ZFPM2: variants seen among roughly 807,000 people sequenced by gnomAD.
ZFPM2 encodes the protein zinc finger protein, FOG family member 2.
Under a neutral mutation model 98.6 loss-of-function variants are expected in ZFPM2, and 20 were observed. The ratio of observed to expected loss-of-function variants is 0.20; its 90% CI spans 0.14 to 0.29. The LOEUF is 0.29. Among genes scored for constraint, ZFPM2 ranks in the 10% least tolerant of loss-of-function variants. ZFPM2 has a pLI of 1.00. For synonymous variants in ZFPM2, 518 were observed against 502.7 expected (o/e 1.03, Z -0.41); for missense variants, 1,310 against 1,388.6 (o/e 0.94, Z 0.90).
At chr8:105,560,183 A>G (rs75801976) in intron 3 of ZFPM2, among the ~76,000 whole-genome samples, 81 of 74,936 alleles carry the variant, frequency 1.1e-3, no homozygotes, top group African/African-American at 5.9e-3. Flanking sequence ...AAAAAAAAAA[A>G]AAAAGAAAGA....
intron 5 of ZFPM2, among the ~76,000 whole-genome samples, chr8:105,650,244 G>A (rs1267272996): frequency 6.6e-6 from 1 of 151,996 alleles, no homozygotes; most frequent in Non-Finnish European, 1.5e-5. Flanking sequence ...ACTTTTTATT[G>A]TGTCTATTTG....
chr8:105,576,987 G>A (rs1815481592), intron 4 of ZFPM2, among the ~76,000 whole-genome samples: 2 of 151,944 alleles, frequency 1.3e-5, no homozygotes, highest in Non-Finnish European at 2.9e-5. Context: ...ATATGAAAGG[G>A]TAGTGGAATA....
intron 5 of ZFPM2, among the ~76,000 whole-genome samples, chr8:105,701,157 ACAG>A (rs1811132391): frequency 6.6e-6 from 1 of 152,204 alleles, no homozygotes; most frequent in Non-Finnish European, 1.5e-5. Context: ...GAATAGAGAA[ACAG>A]CAGAGTTGGC....
chr8:105,419,328 A>G (rs754393862), intron 2 of ZFPM2, 26 bp downstream of exon 2: 1 of 1,605,640 alleles, frequency 6.2e-7, no homozygotes, highest in Non-Finnish European at 8.5e-7. Context: ...TGGATGTAAT[A>G]TGTGAGTCCA....
chr8:105,441,482 G>GAAAGAAAGAAAGAAA, intron 2 of ZFPM2, among the ~76,000 whole-genome samples: 1 of 85,410 alleles, frequency 1.2e-5, no homozygotes, highest in African/African-American at 7.8e-5. Context: ...AAGAAAGAAA[G>GAAAGAAAGAAAGAAA]AAAGAAAGAA....
chr8:105,664,460 G>A (rs551066132), intron 5 of ZFPM2, among the ~76,000 whole-genome samples: 8 of 151,890 alleles, frequency 5.3e-5, no homozygotes, highest in Admixed American at 1.3e-4. Context: ...TCAGTCTCCC[G>A]AGTAGCTGGG....
chr8:105,327,227 T>G (rs1207096195), intron 1 of ZFPM2, among the ~76,000 whole-genome samples: 51 of 151,660 alleles, frequency 3.4e-4, no homozygotes, highest in Non-Finnish European at 1.0e-4. Context: ...TCTACATAGA[T>G]TTTTTCAGTA....
At chr8:105,779,627 C>G (rs759952192) in intron 5 of ZFPM2, among the ~76,000 whole-genome samples, 1 of 152,160 alleles carries the variant, frequency 6.6e-6, no homozygotes, top group Non-Finnish European at 1.5e-5. Context: ...TGTAACCTAG[C>G]AACAGATAAT....
In ZFPM2 at chr8:105,707,888, C is replaced by T. The variant is rs143269866; in HGVS notation, c.532+73531C>T. Among the ~76,000 whole-genome samples, 166 of 152,306 alleles carry T rather than the reference C, an allele frequency of 1.1e-3. 1 individual carries two copies. Among genetic ancestry groups the T allele is most frequent in the East Asian group, 5.4e-3 (28 of 5,178 alleles). On this transcript the variant is annotated intron_variant, in intron 5 of 7. Coordinates refer to ENST00000407775, the MANE Select transcript of ZFPM2 (RefSeq NM_012082.4). ...CCTCATGGACATTCAGGTTATAACT[C>T]TCCTTTCATCTTGGAATGCTGCTTT...
chr8:105,440,669 A>G (rs1376452573), intron 2 of ZFPM2, among the ~76,000 whole-genome samples: 1 of 152,186 alleles, frequency 6.6e-6, no homozygotes, highest in Non-Finnish European at 1.5e-5. Context: ...CTGGTCTCAA[A>G]AGACACGAGA....
intron 6 of ZFPM2, among the ~76,000 whole-genome samples, chr8:105,789,432 A>G (rs1193149660): frequency 2.6e-5 from 4 of 152,296 alleles, no homozygotes; most frequent in Admixed American, 1.3e-4. Flanking sequence ...TTTTATGGCT[A>G]CATAGTATTC....
intron 3 of ZFPM2, among the ~76,000 whole-genome samples, chr8:105,472,191 A>G (rs1421539029): frequency 2.6e-5 from 4 of 152,186 alleles, no homozygotes; most frequent in Non-Finnish European, 5.9e-5. Context: ...AATCAAACTA[A>G]TAATTAGTAC....
intron 3 of ZFPM2, among the ~76,000 whole-genome samples, chr8:105,460,886 A>T: frequency 6.6e-6 from 1 of 152,114 alleles, no homozygotes; most frequent in Non-Finnish European, 1.5e-5. Flanking sequence ...TAAATTTTGA[A>T]ATAAATATGA....
intron 1 of ZFPM2, chr8:105,418,703 C>A: frequency 2.0e-6 from 1 of 492,620 alleles, no homozygotes; most frequent in Middle Eastern, 3.4e-4. Context: ...TTATTAAAAT[C>A]TCAGTTCAAT....
At chr8:105,510,023 A>T (rs1813784186) in intron 3 of ZFPM2, among the ~76,000 whole-genome samples, 1 of 152,100 alleles carries the variant, frequency 6.6e-6, no homozygotes, top group South Asian at 2.1e-4. Context: ...ATATATATAT[A>T]TTATAGTGAT....
intron 4 of ZFPM2, among the ~76,000 whole-genome samples, chr8:105,586,794 G>T (rs185414704): frequency 1.3e-5 from 2 of 150,874 alleles, no homozygotes; most frequent in African/African-American, 4.9e-5. Context: ...TATCTAAAGT[G>T]TTTATCCTTT....
chr8:105,674,630 G>A (rs560183561), intron 5 of ZFPM2, among the ~76,000 whole-genome samples: 4 of 152,206 alleles, frequency 2.6e-5, no homozygotes, highest in South Asian at 2.1e-4. Context: ...GGAAACCACC[G>A]AACAACAAAC....
intron 1 of ZFPM2, among the ~76,000 whole-genome samples, chr8:105,330,655 A>C (rs1812217106): frequency 7.4e-6 from 1 of 134,536 alleles, no homozygotes; most frequent in Non-Finnish European, 1.6e-5. Context: ...TATATTTTTC[A>C]GGAATAGTGA....
intron 1 of ZFPM2, among the ~76,000 whole-genome samples, chr8:105,374,814 T>A (rs537389416): frequency 6.6e-6 from 1 of 152,196 alleles, no homozygotes; most frequent in South Asian, 2.1e-4. Flanking sequence ...AACATCTGGA[T>A]CAGAGTCCAA....
Sources: allele counts gnomAD v4.1 joint callset (sites outside exome capture counted in the v4.1 genomes callset), GRCh38; gene constraint gnomAD v4.1.1; transcripts MANE v1.5; gene names NCBI Gene and HGNC (gene_info 2026-07-23, HGNC 2026-07-21).